The following CAMTA1 variants were observed in gnomAD, a reference collection of about 807,000 sequenced individuals.
The protein encoded by CAMTA1 is calmodulin binding transcription activator 1.
A neutral mutation model predicts 170.9 loss-of-function variants in CAMTA1; 27 were observed. The ratio of observed to expected loss-of-function variants is 0.16; its 90% CI spans 0.12 to 0.22. The LOEUF (loss-of-function observed/expected upper bound fraction) is 0.22, where lower values mean the gene tolerates loss of function less well. CAMTA1 is among the 10% of genes least tolerant of loss of function. The pLI is 1.00. For missense variants in CAMTA1, 1,619 were observed against 2,217.2 expected, an observed-to-expected ratio of 0.73 and a Z score of 5.42; for synonymous variants, 833 against 891.5, an observed-to-expected ratio of 0.93 and a Z score of 1.17.
At chr1:7,118,077 G>T (rs568088606) in intron 4 of CAMTA1, among the ~76,000 whole-genome samples, 11 of 152,248 alleles carry the variant, frequency 7.2e-5, no homozygotes, top group African/African-American at 2.6e-4. Flanking sequence ...ACTCATGTGG[G>T]CGGTTTGGGT....
chr1:7,462,586 A>G (rs1023862657), intron 5 of CAMTA1, among the ~76,000 whole-genome samples: 1 of 152,192 alleles, frequency 6.6e-6, no homozygotes, highest in African/African-American at 2.4e-5. Flanking sequence ...CTGTGAGGTA[A>G]GAATAGCTTT....
intron 1 of CAMTA1, among the ~76,000 whole-genome samples, chr1:6,789,110 C>G (rs1569782924): frequency 6.8e-6 from 1 of 146,996 alleles, no homozygotes; most frequent in Non-Finnish European, 1.5e-5. Context: ...TGTTGGGTTT[C>G]TCCATCTCAT....
At chr1:7,371,043 C>T (rs1291900246) in intron 5 of CAMTA1, among the ~76,000 whole-genome samples, 3 of 151,378 alleles carry the variant, frequency 2.0e-5, no homozygotes, top group Admixed American at 2.0e-4. Context: ...TCCAGAGTAG[C>T]TGGGATTACA....
intron 5 of CAMTA1, among the ~76,000 whole-genome samples, chr1:7,352,882 C>T (rs74052958): frequency 2.5e-4 from 38 of 152,344 alleles, no homozygotes; most frequent in African/African-American, 8.4e-4. Context: ...CTTCCCACTC[C>T]GTGTGAGCCA....
chr1:7,163,354 G>A (rs1023816273), intron 4 of CAMTA1, among the ~76,000 whole-genome samples: 2 of 150,624 alleles, frequency 1.3e-5, no homozygotes, highest in East Asian at 3.9e-4. Context: ...GGGGGTGGGT[G>A]GGTCATCATA....
At chr1:7,244,776 A>G (rs906209867) in intron 4 of CAMTA1, among the ~76,000 whole-genome samples, 3 of 152,146 alleles carry the variant, frequency 2.0e-5, no homozygotes, top group Non-Finnish European at 4.4e-5. Context: ...TAGCATTAGG[A>G]GATATACCTA....
intron 5 of CAMTA1, among the ~76,000 whole-genome samples, chr1:7,298,219 G>A (rs557064891): frequency 6.6e-6 from 1 of 152,256 alleles, no homozygotes; most frequent in South Asian, 2.1e-4. Flanking sequence ...TGGCCTTCCT[G>A]TGCGGGGTGT....
rs1318202082 is a variant in CAMTA1, at chr1:7,664,383, C to T, written c.1836C>T (p.Pro612=). 1.9e-6 allele frequency: 3 copies of T among 1,613,766 alleles called. No homozygotes were observed. The highest frequency in any genetic ancestry group is 3.3e-5 in the Admixed American group (2 of 60,036). Reference sequence around the variant, plus strand: ...ACAGCCCCCACATCCACCAGACCCCCTCCCCGAGCTTCTTCCTGCAGGACG... The same window carrying T: ...ACAGCCCCCACATCCACCAGACCCCTTCCCCGAGCTTCTTCCTGCAGGACG... ...TGHSPHIHQT[P]SPSFFLQDAS... The change falls in exon 9 of 23, where the codon CCC becomes CCT. Residue 612 remains proline (P), a synonymous_variant. Transcript: ENST00000303635.
At chr1:7,568,374 C>G (rs2095072322) in intron 6 of CAMTA1, among the ~76,000 whole-genome samples, 1 of 151,074 alleles carries the variant, frequency 6.6e-6, no homozygotes, top group South Asian at 2.1e-4. Flanking sequence ...ACTGTCATCA[C>G]CACATCACCA....
intron 11 of CAMTA1, among the ~76,000 whole-genome samples, chr1:7,692,855 A>G (rs2995031): frequency 0.49 from 74,163 of 151,946 alleles, 18,282 homozygotes; most frequent in East Asian, 0.66. Flanking sequence ...GCATCCCCCC[A>G]CCCCCCAGGA....
At chr1:7,594,096 G>A (rs1222704110) in intron 6 of CAMTA1, among the ~76,000 whole-genome samples, 1 of 129,564 alleles carries the variant, frequency 7.7e-6, no homozygotes, top group Non-Finnish European at 1.5e-5. Flanking sequence ...AGAGAGAGAG[G>A]AAAGAAGAAA....
chr1:7,695,446 C>T (rs1394228210), intron 11 of CAMTA1, among the ~76,000 whole-genome samples: 7 of 152,136 alleles, frequency 4.6e-5, no homozygotes, highest in Non-Finnish European at 7.3e-5. Flanking sequence ...TTTGGTGAAA[C>T]GCCCTGGCAT....
chr1:6,828,059 G>A (rs961818950), intron 3 of CAMTA1, among the ~76,000 whole-genome samples: 1 of 152,074 alleles, frequency 6.6e-6, no homozygotes, highest in African/African-American at 2.4e-5. Context: ...CTGGTGGCTC[G>A]AGCTGCCTGT....
intron 3 of CAMTA1, chr1:6,871,818 A>G (rs2148993008): frequency 6.6e-7 from 1 of 1,526,624 alleles, no homozygotes; most frequent in South Asian, 1.2e-5. Context: ...TTCACCTTTG[A>G]TCCCCTGACC....
At chr1:6,790,336 C>G (rs1640699273) in intron 1 of CAMTA1, among the ~76,000 whole-genome samples, 1 of 151,010 alleles carries the variant, frequency 6.6e-6, no homozygotes, top group South Asian at 2.1e-4. Context: ...AGCAGCTTTC[C>G]CCCAGACTGT....
intron 1 of CAMTA1, among the ~76,000 whole-genome samples, chr1:6,814,770 G>T (rs924069289): frequency 6.6e-6 from 1 of 152,202 alleles, no homozygotes; most frequent in East Asian, 1.9e-4. Flanking sequence ...CTTTAATTCT[G>T]TGGAGACCTA....
rs1157372666 is a variant in CAMTA1 at position 7,014,433 on chromosome 1, A to T, written c.235-76871A>T. 6.6e-6 allele frequency among the ~76,000 whole-genome samples: 1 copy of T among 152,116 alleles called. No individual in the cohort carries two copies. Among genetic ancestry groups the T allele is most frequent in the East Asian group, 1.9e-4 (1 of 5,186 alleles). ...GGAGACTGGCTCCTTCTTCCTGGGGATCCCAGCGCCCACTACAAAGGTGAA... is the reference window on the plus strand; with the variant it reads ...GGAGACTGGCTCCTTCTTCCTGGGGTTCCCAGCGCCCACTACAAAGGTGAA... On this transcript the variant is annotated intron_variant, in intron 3 of 22. Coordinates refer to ENST00000303635, the MANE Select transcript of CAMTA1 (RefSeq NM_015215.4). This position sits in a 1 kb window ranked among gnomAD's most constrained non-coding sequence, Gnocchi z 4.2.
chr1:7,643,595 C>G (rs2095782907), intron 7 of CAMTA1, among the ~76,000 whole-genome samples: 1 of 152,224 alleles, frequency 6.6e-6, no homozygotes, highest in Non-Finnish European at 1.5e-5. Context: ...GGGTGGAAAC[C>G]AGTCCGGAGC....
At chr1:7,084,466 G>A (rs1243633593) in intron 3 of CAMTA1, among the ~76,000 whole-genome samples, 1 of 152,230 alleles carries the variant, frequency 6.6e-6, no homozygotes, top group East Asian at 1.9e-4. Flanking sequence ...AGCAGAGAGA[G>A]CCGGGGCTGA....
Sources: gnomAD v4.1 joint callset for allele counts (sites outside exome capture counted in the v4.1 genomes callset) on GRCh38, gnomAD v4.1.1 for gene constraint, Gnocchi (gnomAD v3.1) non-coding constraint, MANE v1.5 for transcripts, NCBI Gene and HGNC (gene_info 2026-07-23, HGNC 2026-07-21) for gene names.